Variants in DOCK8 observed in about 807,000 individuals in gnomAD.
DOCK8 encodes the protein dedicator of cytokinesis protein 8.
DOCK8 carries 141 observed loss-of-function variants against 245.6 expected under a neutral mutation model. The ratio of observed to expected loss-of-function variants is 0.57; its 90% CI spans 0.50 to 0.66. The LOEUF is 0.66. Among genes scored for constraint, DOCK8 ranks in the 30% least tolerant of loss-of-function variants. The probability of loss-of-function intolerance (pLI) is 0.00; values close to 1 mark genes in which losing one functional copy is unlikely to be tolerated. For synonymous variants in DOCK8, 1,168 were observed against 970.2 expected, an observed-to-expected ratio of 1.20 and a Z score of -3.79; for missense variants, 2,965 against 2,603.4, an observed-to-expected ratio of 1.14 and a Z score of -3.02.
intron 14 of DOCK8, among the ~76,000 whole-genome samples, chr9:357,945 A>G (rs972908965): frequency 2.6e-5 from 4 of 152,132 alleles, no homozygotes; most frequent in African/African-American, 9.7e-5. Flanking sequence ...TTGCACTTTT[A>G]TCTAACCTAA....
intron 20 of DOCK8, among the ~76,000 whole-genome samples, chr9:379,480 G>A (rs1238676136): frequency 4.6e-5 from 7 of 152,096 alleles, no homozygotes; most frequent in Admixed American, 4.6e-4. Context: ...AGTAGCATCA[G>A]TTTACAACCT....
upstream of DOCK8, chr9:214,701 G>A: frequency 6.4e-7 from 1 of 1,562,216 alleles, no homozygotes; most frequent in South Asian, 1.2e-5. Context: ...GTCTGCCCCA[G>A]TATCGGGAGG....
At chr9:260,275 A>T (rs989270592) in intron 1 of DOCK8, among the ~76,000 whole-genome samples, 1 of 152,224 alleles carries the variant, frequency 6.6e-6, no homozygotes, top group Non-Finnish European at 1.5e-5. Flanking sequence ...TACTGTCTTG[A>T]GTCTTACAGT....
chr9:282,695 C>A (rs2048642915), intron 2 of DOCK8, among the ~76,000 whole-genome samples: 1 of 152,138 alleles, frequency 6.6e-6, no homozygotes, highest in African/African-American at 2.4e-5. Context: ...AGTGCTGGGA[C>A]TGCAGGTGTG....
chr9:311,370 A>G (rs982332487), intron 5 of DOCK8, among the ~76,000 whole-genome samples: 6 of 149,840 alleles, frequency 4.0e-5, no homozygotes, highest in Admixed American at 2.0e-4. Flanking sequence ...TAAACCTCCC[A>G]AGTAGCTAAG....
intron 1 of DOCK8, among the ~76,000 whole-genome samples, chr9:246,827 G>T (rs1256593229): frequency 6.6e-6 from 1 of 151,678 alleles, no homozygotes; most frequent in Non-Finnish European, 1.5e-5. Flanking sequence ...TGTTGCCCAG[G>T]CTGGCCTAGA....
At chr9:261,800 G>A (rs2047923417) in intron 1 of DOCK8, among the ~76,000 whole-genome samples, 1 of 152,040 alleles carries the variant, frequency 6.6e-6, no homozygotes, top group Admixed American at 6.5e-5. Flanking sequence ...ATTTAGAATT[G>A]TTGTGTCTTC....
intron 24 of DOCK8, among the ~76,000 whole-genome samples, chr9:394,347 G>T (rs1564003700): frequency 1.3e-5 from 2 of 152,370 alleles, no homozygotes; most frequent in South Asian, 2.1e-4. Context: ...CTCAGACTCA[G>T]ACAAGGTGCC....
At chr9:403,448 CAT>C (rs1309249776) in intron 26 of DOCK8, among the ~76,000 whole-genome samples, 2 of 152,046 alleles carry the variant, frequency 1.3e-5, no homozygotes, top group Non-Finnish European at 2.9e-5. Flanking sequence ...ACATAGAAGT[CAT>C]ATGTTTTGGT....
chr9:289,616 T>A, intron 4 of DOCK8, 35 bp downstream of exon 4: 2 of 1,511,366 alleles, frequency 1.3e-6, no homozygotes, highest in Non-Finnish European at 1.8e-6. Flanking sequence ...TGTATATAAA[T>A]ATTAATTTTA....
In DOCK8 at chr9:377,102, C is replaced by T. The variant is rs757196897; in HGVS notation, c.2331C>T (p.Ile777=). 1 of 1,612,190 alleles carries T rather than the reference C, an allele frequency of 6.2e-7. No individual in the cohort carries two copies. The highest frequency in any genetic ancestry group is 8.5e-7 in the Non-Finnish European group (1 of 1,179,950). ...TGGAGCATGAGCTGAAGCTCAGCAT[C>T]ATCTGCCTGAACTCCTCCCGCCTGG... ...MALEHELKLS[I]ICLNSSRLEP... is the part of the protein sequence containing the mutation. Residue 777 remains isoleucine, a synonymous_variant, in exon 20 of 48, where the codon ATC becomes ATT. Transcript: ENST00000432829.
At chr9:387,285 A>G (rs2053994833) in intron 23 of DOCK8, among the ~76,000 whole-genome samples, 1 of 152,096 alleles carries the variant, frequency 6.6e-6, no homozygotes. Context: ...CCTACTAAAG[A>G]TACAAAAACT....
At chr9:227,567 T>C (rs765746321) in intron 1 of DOCK8, among the ~76,000 whole-genome samples, 40 of 152,186 alleles carry the variant, frequency 2.6e-4, no homozygotes, top group Non-Finnish European at 5.3e-4. Flanking sequence ...AAGGCCTTTG[T>C]TTTTGTAAAC....
chr9:338,783 C>A (rs1008752812), intron 12 of DOCK8, among the ~76,000 whole-genome samples: 1 of 152,100 alleles, frequency 6.6e-6, no homozygotes, highest in South Asian at 2.1e-4. Flanking sequence ...GATGCCCCAT[C>A]CCCAGAAGGA....
At chr9:427,198 T>C (rs914311866) in intron 34 of DOCK8, among the ~76,000 whole-genome samples, 1 of 152,186 alleles carries the variant, frequency 6.6e-6, no homozygotes, top group Non-Finnish European at 1.5e-5. Context: ...AGGGCTTACT[T>C]GGAGAGGGTT....
chr9:406,480 C>CT (rs774193706), intron 27 of DOCK8, among the ~76,000 whole-genome samples: 5 of 123,724 alleles, frequency 4.0e-5, no homozygotes, highest in Non-Finnish European at 4.9e-5. Flanking sequence ...GAGTGACACT[C>CT]TGTCTTTCAA....
chr9:453,260 C>T (rs532739900), intron 46 of DOCK8, among the ~76,000 whole-genome samples: 1 of 152,284 alleles, frequency 6.6e-6, no homozygotes, highest in East Asian at 1.9e-4. Flanking sequence ...TGTATTTGTG[C>T]ATGTGTGTGA....
intron 28 of DOCK8, among the ~76,000 whole-genome samples, chr9:413,998 C>T (rs1038740821): frequency 6.6e-5 from 10 of 152,008 alleles, no homozygotes; most frequent in Non-Finnish European, 2.9e-5. Flanking sequence ...AAAAATTAGC[C>T]AGGTGTGGTG....
intron 1 of DOCK8, among the ~76,000 whole-genome samples, chr9:255,683 A>C (rs968660436): frequency 1.3e-5 from 2 of 151,634 alleles, no homozygotes; most frequent in African/African-American, 4.8e-5. Context: ...AAAAAAAAAA[A>C]AAAAAAAAAA....
Sources: allele counts gnomAD v4.1 joint callset (sites outside exome capture counted in the v4.1 genomes callset), GRCh38; gene constraint gnomAD v4.1.1; transcripts MANE v1.5; gene names NCBI Gene and HGNC (gene_info 2026-07-23, HGNC 2026-07-21).